Variants in EGFL6 observed in about 807,000 individuals in gnomAD.
EGFL6 encodes the protein EGF like domain multiple 6.
A neutral mutation model predicts 43.1 loss-of-function variants in EGFL6; 42 were observed. The ratio of observed to expected loss-of-function variants is 0.98; its 90% CI spans 0.76 to 1.26. The LOEUF is 1.26. EGFL6 is among the 50% of genes most tolerant of loss of function. EGFL6 has a pLI of 0.00. For synonymous variants in EGFL6, 164 were observed against 163.2 expected (o/e 1.01, Z -0.04); for missense variants, 429 against 427.8 (o/e 1.00, Z -0.02).
In EGFL6 at chrX:13,597,325, C is replaced by T. The variant is rs781237352; in HGVS notation, c.280+2397C>T. Among the ~76,000 whole-genome samples the T allele has an allele frequency of 5.4e-5, 6 of 111,915 alleles. No homozygotes were observed. The South Asian group carries it at 2.3e-3, about 43-fold the overall frequency. ...ACCACTCCCAGCCCTTGCTGCCAAGCCCAGAGGTTAGCCCCATAAACTGAA... is the reference window on the plus strand; with the variant it reads ...ACCACTCCCAGCCCTTGCTGCCAAGTCCAGAGGTTAGCCCCATAAACTGAA... On this transcript the variant is annotated intron_variant, in intron 3 of 11. Transcript: ENST00000361306.
chrX:13,627,555 A>G (rs1323610528), intron 11 of EGFL6, among the ~76,000 whole-genome samples: 2 of 112,147 alleles, frequency 1.8e-5, no homozygotes, highest in Admixed American at 9.4e-5. Flanking sequence ...TATACATGCT[A>G]TACATTCCGT....
intron 7 of EGFL6, among the ~76,000 whole-genome samples, chrX:13,616,835 TAAG>T (rs1357807656): frequency 1.7e-4 from 18 of 108,641 alleles, no homozygotes; most frequent in African/African-American, 6.0e-4. Context: ...CACTGAGGGA[TAAG>T]AAGAATTGAT....
chrX:13,577,913 C>A (rs1453576404), intron 1 of EGFL6, among the ~76,000 whole-genome samples: 2 of 112,125 alleles, frequency 1.8e-5, no homozygotes, highest in Non-Finnish European at 3.8e-5. Context: ...TTAAAGTTAA[C>A]ACGATCGTGA....
At position 13,569,812 on chromosome X, in the gene EGFL6, G is replaced by A. The variant is rs774941521; in HGVS notation, c.-50G>A. On this transcript the variant is annotated 5_prime_UTR_variant, in exon 1 of 12. Transcript: ENST00000361306. Reference sequence around the variant, plus strand: ...GGCTTAGCTGCTACGGGGTCCGGCCGGCGCCCTCCCGAGGGGGGCTCAGGA... The same window carrying A: ...GGCTTAGCTGCTACGGGGTCCGGCCAGCGCCCTCCCGAGGGGGGCTCAGGA... The A allele has an allele frequency of 9.3e-6, 11 of 1,180,211 alleles. No homozygotes were observed. The South Asian group carries it at 1.8e-4, about 19-fold the overall frequency.
intron 1 of EGFL6, among the ~76,000 whole-genome samples, chrX:13,579,757 G>A (rs969710710): frequency 9.0e-6 from 1 of 111,043 alleles, no homozygotes; most frequent in Non-Finnish European, 1.9e-5. Context: ...TTACAATCAA[G>A]TTGTTGATCA....
At chrX:13,576,797 C>T (rs1451792036) in intron 1 of EGFL6, among the ~76,000 whole-genome samples, 1 of 111,252 alleles carries the variant, frequency 9.0e-6, no homozygotes, top group Non-Finnish European at 1.9e-5. Flanking sequence ...AAATGATTTG[C>T]CCAGAATCTC....
chrX:13,575,129 AACAAACAAAC>A (rs1181302944), intron 1 of EGFL6: 2 of 110,566 alleles, frequency 1.8e-5, no homozygotes, highest in Non-Finnish European at 3.5e-5. Context: ...CAAACAAACA[AACAAACAAAC>A]AAACAAACAG....
Position 13,617,880 on chromosome X carries a change from A to G in EGFL6, c.929A>G (p.Lys310Arg), listed in dbSNP as rs1442773662. The G allele has an allele frequency of 8.3e-7, 1 of 1,211,666 alleles. No homozygotes were observed. The highest frequency in any genetic ancestry group is 1.1e-6 in the Non-Finnish European group (1 of 895,540). ...TPEPTRTPTPKVNLQPFNYEE... is the reference protein window; with the variant it reads ...TPEPTRTPTPRVNLQPFNYEE... Reference sequence around the variant, plus strand: ...GAACCCACCAGGACTCCTACCCCTAAGGTGAACTTGCAGCCCTTCAACTAT... The same window carrying G: ...GAACCCACCAGGACTCCTACCCCTAGGGTGAACTTGCAGCCCTTCAACTAT... The change falls in exon 8 of 12, where the codon AAG (lysine) becomes AGG (arginine). Residue 310 changes from lysine (K) to arginine (R), a missense_variant. By Grantham distance (26) the Lys-to-Arg change is conservative. Transcript: ENST00000361306.
Position 13,589,587 on chromosome X carries a change from C to T in EGFL6, c.106C>T (p.Arg36Cys). The T allele has an allele frequency of 2.5e-6, 3 of 1,210,944 alleles. No individual in the cohort carries two copies. The highest frequency in any genetic ancestry group is 3.0e-5 in the East Asian group (1 of 33,833). ...GCATCACGGGTTGTTAGCATCGGCA[C>T]GTCAGCCTGGGGTCTGTCACTATGG... ...ARHHGLLASA[R>C]QPGVCHYGTK... Residue 36 changes from arginine to cysteine, a missense_variant, in exon 2 of 12, where the codon CGT (arginine) becomes TGT (cysteine). Physicochemically the swap from Arg to Cys is radical, Grantham distance 180. Transcript: ENST00000361306.
At position 13,577,335 on chromosome X, in the gene EGFL6, TATATATAC is replaced by T. The variant is rs1569201019; in HGVS notation, c.74+7404_74+7411del. Among the ~76,000 whole-genome samples the T allele has an allele frequency of 3.3e-3, 49 of 14,932 alleles. 1 individual carries two copies. The highest frequency in any genetic ancestry group is 0.011 in the African/African-American group (47 of 4,397). 13.0% of individuals were successfully genotyped at this position (14,932 alleles called of 115,157 possible). On this transcript the variant is annotated intron_variant, in intron 1 of 11. Transcript: ENST00000361306. Reference sequence around the variant, plus strand: ...ATATATATATATATATATATATATATATATATACATACACACACACACATACAGTATAG... The same window carrying T: ...ATATATATATATATATATATATATATATACACACACACACATACAGTATAG...
At chrX:13,592,868 G>T (rs1180730886) in intron 2 of EGFL6, among the ~76,000 whole-genome samples, 2 of 73,654 alleles carry the variant, frequency 2.7e-5, no homozygotes, top group Non-Finnish European at 4.9e-5. Flanking sequence ...TGTCGGGGGG[G>T]TGGGGGGGCT....
chrX:13,604,815 A>G (rs2045651370), intron 5 of EGFL6, among the ~76,000 whole-genome samples: 1 of 112,256 alleles, frequency 8.9e-6, no homozygotes, highest in Non-Finnish European at 1.9e-5. Flanking sequence ...AAAGAAGCAC[A>G]TATCAGTATG....
At chrX:13,584,062 T>A (rs2045521890) in intron 1 of EGFL6, among the ~76,000 whole-genome samples, 1 of 112,582 alleles carries the variant, frequency 8.9e-6, no homozygotes, top group Non-Finnish European at 1.9e-5. Flanking sequence ...TACATATATT[T>A]AATGATTTCA....
chrX:13,628,513 A>G (rs2045793404), intron 11 of EGFL6, among the ~76,000 whole-genome samples: 1 of 110,993 alleles, frequency 9.0e-6, no homozygotes, highest in African/African-American at 3.3e-5. Context: ...TGGACGTTAT[A>G]AAGAGTTTGG....
chrX:13,625,899 A>AAAAAG (rs2045777611), intron 10 of EGFL6, among the ~76,000 whole-genome samples: 2 of 39,151 alleles, frequency 5.1e-5, no homozygotes, highest in African/African-American at 1.5e-4. Flanking sequence ...AAAAAAAAAA[A>AAAAAG]AAAAGAAAAA....
chrX:13,597,788 A>G lies in EGFL6; in HGVS notation c.281-2187A>G, dbSNP rs764171292. 3.9e-4 allele frequency among the ~76,000 whole-genome samples: 44 copies of G among 111,638 alleles called. No individual in the cohort carries two copies. In the East Asian group the frequency reaches 0.011, roughly 29 times the overall value. ...AACAGAGCGAGACTCCATCTCAGAAAAAAAAATCATGCTTTCATAAGTAAT... is the reference window on the plus strand; with the variant it reads ...AACAGAGCGAGACTCCATCTCAGAAGAAAAAATCATGCTTTCATAAGTAAT... On this transcript the variant is annotated intron_variant, in intron 3 of 11. Transcript: ENST00000361306.
intron 6 of EGFL6, among the ~76,000 whole-genome samples, chrX:13,607,257 T>C (rs951715785): frequency 3.6e-5 from 4 of 111,411 alleles, no homozygotes; most frequent in South Asian, 7.8e-4. Flanking sequence ...GAAGGGAAAT[T>C]CGGGCTCTCT....
Position 13,569,636 on chromosome X carries a change from C to T in EGFL6, c.-226C>T, listed in dbSNP as rs1001002500. On this transcript the variant is annotated 5_prime_UTR_variant, in exon 1 of 12. Coordinates refer to ENST00000361306, the MANE Select transcript of EGFL6 (RefSeq NM_015507.4). Reference sequence around the variant, plus strand: ...TCCAGCTTCATCCGCAGAGGAGCCTCGGCCAGGCTTGCCAGGGCGCCCCCA... The same window carrying T: ...TCCAGCTTCATCCGCAGAGGAGCCTTGGCCAGGCTTGCCAGGGCGCCCCCA... The T allele has an allele frequency of 5.6e-5, 21 of 373,256 alleles. No homozygotes were observed. The highest frequency in any genetic ancestry group is 8.0e-5 in the Non-Finnish European group (17 of 212,886). 30.8% of individuals were successfully genotyped at this position (373,256 alleles called of 1,213,427 possible).
intron 9 of EGFL6, among the ~76,000 whole-genome samples, chrX:13,620,131 G>C (rs774758131): frequency 1.8e-5 from 2 of 111,430 alleles, no homozygotes; most frequent in South Asian, 7.6e-4. Flanking sequence ...CCATTTTTGC[G>C]ATCATTCCAC....
Sources: gnomAD v4.1 joint callset for allele counts (sites outside exome capture counted in the v4.1 genomes callset) on GRCh38, gnomAD v4.1.1 for gene constraint, MANE v1.5 for transcripts, NCBI Gene and HGNC (gene_info 2026-07-23, HGNC 2026-07-21) for gene names.